C11orf65: variants seen among roughly 807,000 people sequenced by gnomAD.
The protein encoded by C11orf65 is chromosome 11 open reading frame 65, also known as protein MFI.
C11orf65 carries 38 observed loss-of-function variants against 35.3 expected under a neutral mutation model. That is an observed-to-expected ratio of 1.08 (90% CI 0.83 to 1.41). The LOEUF is 1.41. C11orf65 is among the 40% of genes most tolerant of loss of function. The probability of loss-of-function intolerance (pLI) is 0.00; values close to 1 mark genes in which losing one functional copy is unlikely to be tolerated. For synonymous variants in C11orf65, 105 were observed against 114.4 expected (o/e 0.92, Z 0.53); for missense variants, 370 against 367.1 (o/e 1.01, Z -0.06).
At position 108,347,323 on chromosome 11, in the gene C11orf65, T is replaced by C. The variant is rs730881279; in HGVS notation, c.227-12031A>G. 22 of 1,611,658 alleles carry C rather than the reference T, an allele frequency of 1.4e-5. No homozygotes were observed. In the Admixed American group the frequency reaches 2.2e-4, roughly 16 times the overall value. ...TGGTGATAGACATGTACAGAATATC[T>C]TGATAAATGAGCAGTCAGCAGAACT... On this transcript the variant is annotated intron_variant, in intron 2 of 3. Coordinates refer to the C11orf65 transcript ENST00000524755.
intron 2 of C11orf65, among the ~76,000 whole-genome samples, chr11:108,437,709 A>T (rs1166221533): frequency 4.7e-4 from 31 of 66,206 alleles, no homozygotes; most frequent in African/African-American, 1.3e-3. Flanking sequence ...CTCAGTCTTA[A>T]AAAAAAAAAA....
downstream of C11orf65, among the ~76,000 whole-genome samples, chr11:108,379,496 G>C (rs192007413): frequency 2.6e-5 from 4 of 151,272 alleles, no homozygotes; most frequent in East Asian, 5.9e-4. Context: ...GGAGGGGCTA[G>C]GGATAGCATT....
At chr11:108,373,988 T>G (rs533408848) in intron 2 of C11orf65, among the ~76,000 whole-genome samples, 6 of 152,334 alleles carry the variant, frequency 3.9e-5, no homozygotes, top group Non-Finnish European at 7.4e-5. Context: ...CACCCGCCAT[T>G]GCCCAGGCTC....
chr11:108,453,189 T>G (rs2093373020), intron 2 of C11orf65, among the ~76,000 whole-genome samples: 1 of 140,420 alleles, frequency 7.1e-6, no homozygotes, highest in African/African-American at 2.6e-5. Context: ...AGGGAAAATA[T>G]TGCCACCTCC....
intron 2 of C11orf65, among the ~76,000 whole-genome samples, chr11:108,372,690 G>C (rs1486992969): frequency 6.6e-6 from 1 of 152,168 alleles, no homozygotes; most frequent in Non-Finnish European, 1.5e-5. Flanking sequence ...ATTGTGGTAA[G>C]TCAGTGCCAT....
rs1022753000 is a variant in C11orf65 at position 108,393,220 on chromosome 11, A to G, written c.719T>C (p.Leu240Pro). The part of the protein sequence containing the change: ...VDEVLNWTNT[L>P]NFDEYIASWK... ...AACATGTACTTACTCATCAAAGTTCAGTGTATTTGTCCAGTTCAGCACTTC... is the reference window on the plus strand; with the variant it reads ...AACATGTACTTACTCATCAAAGTTCGGTGTATTTGTCCAGTTCAGCACTTC... Residue 240 changes from leucine to proline, a missense_variant, in exon 7 of 9, where the codon CTG (leucine) becomes CCG (proline). Physicochemically the swap from Leu to Pro is moderately conservative, Grantham distance 98. Coordinates refer to ENST00000393084, the MANE Select transcript of C11orf65 (RefSeq NM_152587.5). 2.5e-6 allele frequency: 4 copies of G among 1,613,618 alleles called. No homozygotes were observed. The highest frequency in any genetic ancestry group is 3.4e-6 in the Non-Finnish European group (4 of 1,179,808).
chr11:108,386,333 GA>G (rs2092000358), intron 7 of C11orf65, among the ~76,000 whole-genome samples: 1 of 152,338 alleles, frequency 6.6e-6, no homozygotes, highest in East Asian at 1.9e-4. Flanking sequence ...AGCATGGGCA[GA>G]AAACTCTCCT....
At chr11:108,359,873 C>G (rs1283902871) in intron 2 of C11orf65, among the ~76,000 whole-genome samples, 1 of 151,482 alleles carries the variant, frequency 6.6e-6, no homozygotes, top group African/African-American at 2.4e-5. Context: ...ACCCTAACAT[C>G]ACAATTAAAA....
rs1064795004 is a variant in C11orf65, at chr11:108,331,978, G to A, written c.300-411C>T. The stretch of plus-strand genomic sequence containing the variant: ...AGATGAATTTCTGACTAAACCAGAG[G>A]TAGCCAGAAGAAGCAGAATAACTAA... On this transcript the variant is annotated intron_variant, in intron 3 of 3. Coordinates refer to the C11orf65 transcript ENST00000524755. 1 of 1,614,028 alleles carries A rather than the reference G, an allele frequency of 6.2e-7. No homozygotes were observed. Among genetic ancestry groups the A allele is most frequent in the Non-Finnish European group, 8.5e-7 (1 of 1,179,966 alleles).
chr11:108,425,677 T>G (rs1479602235), intron 3 of C11orf65, among the ~76,000 whole-genome samples: 1 of 152,152 alleles, frequency 6.6e-6, no homozygotes, highest in Non-Finnish European at 1.5e-5. Context: ...TACCAAACCC[T>G]GGCAGAGACA....
rs2085565666 is a variant in C11orf65 at position 108,325,420 on chromosome 11, C to G, written c.641-16349G>C. The G allele has an allele frequency of 1.2e-6, 2 of 1,613,690 alleles. No individual in the cohort carries two copies. The highest frequency in any genetic ancestry group is 1.1e-5 in the South Asian group (1 of 91,078). On this transcript the variant is annotated intron_variant, in intron 6 of 6. Coordinates refer to the C11orf65 transcript ENST00000525729. The stretch of plus-strand genomic sequence containing the variant: ...CAGGAGCCTATCATGGCTCTACGCA[C>G]AGTCATTTTGGAGATCCTGATGGAA...
In C11orf65 at chr11:108,438,380, T is replaced by C. The variant is rs541460691; in HGVS notation, c.82-6542A>G. Among the ~76,000 whole-genome samples the C allele has an allele frequency of 2.0e-4, 30 of 146,910 alleles. No homozygotes were observed. The South Asian group carries it at 6.6e-3, about 32-fold the overall frequency. On this transcript the variant is annotated intron_variant, in intron 2 of 8. Transcript: ENST00000393084. ...CAGCCTGGCCAACGTGGTGAAACCC[T>C]GTCTCCACTAAAAATACAAAAATTA...
intron 3 of C11orf65, 129 bp from the exon 4 acceptor site, chr11:108,407,278 C>G: frequency 2.8e-6 from 2 of 710,940 alleles, no homozygotes; most frequent in Non-Finnish European, 4.3e-6. Flanking sequence ...TCAGGTGAAC[C>G]AACCTCAAAT....
intron 2 of C11orf65, among the ~76,000 whole-genome samples, chr11:108,453,359 T>C (rs1253382131): frequency 2.7e-5 from 4 of 148,920 alleles, no homozygotes; most frequent in Admixed American, 2.0e-4. Flanking sequence ...ATCAGATAAG[T>C]AGAAAACAAA....
chr11:108,356,514 C>T (rs552363263), intron 2 of C11orf65, among the ~76,000 whole-genome samples: 4 of 137,666 alleles, frequency 2.9e-5, no homozygotes, highest in African/African-American at 5.4e-5. Context: ...CCAGCCTGGG[C>T]GACAAGAGCA....
chr11:108,372,014 A>G (rs2091587528), intron 2 of C11orf65, among the ~76,000 whole-genome samples: 1 of 152,238 alleles, frequency 6.6e-6, no homozygotes, highest in Non-Finnish European at 1.5e-5. Flanking sequence ...GAAACAAAAA[A>G]TGTCCTTCAA....
intron 2 of C11orf65, among the ~76,000 whole-genome samples, chr11:108,437,966 AGT>A (rs1396650675): frequency 2.0e-5 from 3 of 152,140 alleles, no homozygotes; most frequent in Non-Finnish European, 4.4e-5. Context: ...TAAGTGAAAA[AGT>A]GTGAGTTGGA....
chr11:108,435,288 C>T (rs2093045506), intron 2 of C11orf65, among the ~76,000 whole-genome samples: 1 of 151,958 alleles, frequency 6.6e-6, no homozygotes, highest in African/African-American at 2.4e-5. Context: ...ATACTGCCAC[C>T]TGACCATCTT....
intron 2 of C11orf65, chr11:108,367,314 A>G (rs1188227095): frequency 5.5e-6 from 1 of 182,924 alleles, no homozygotes; most frequent in Non-Finnish European, 1.2e-5. Flanking sequence ...GACCGTAAGG[A>G]TTTCCCCTTT....
Sources: allele counts gnomAD v4.1 joint callset (sites outside exome capture counted in the v4.1 genomes callset), GRCh38; gene constraint gnomAD v4.1.1; transcripts MANE v1.5; gene names NCBI Gene and HGNC (gene_info 2026-07-23, HGNC 2026-07-21).